The following NHS variants were observed in gnomAD, a reference collection of about 807,000 sequenced individuals.
NHS encodes the protein actin remodeling regulator NHS.
Under a neutral mutation model 72.5 loss-of-function variants are expected in NHS, and 5 were observed. The observed-to-expected ratio is 0.07, with a 90% CI of 0.04 to 0.14. The LOEUF (loss-of-function observed/expected upper bound fraction) is 0.14. NHS is among the 10% of genes least tolerant of loss of function. NHS has a pLI of 1.00. For synonymous variants in NHS, 464 were observed against 547.7 expected (o/e 0.85, Z 2.13); for missense variants, 1,072 against 1,355.7 (o/e 0.79, Z 3.29).
At chrX:17,463,775 G>C (rs949171268) in intron 1 of NHS, among the ~76,000 whole-genome samples, 1 of 112,164 alleles carries the variant, frequency 8.9e-6, no homozygotes, top group African/African-American at 3.2e-5. Flanking sequence ...AAGATCCAGG[G>C]GAAATTGTCC....
In NHS at chrX:17,693,000, A is replaced by T. The variant is rs964308911; in HGVS notation, c.852+532A>T. Among the ~76,000 whole-genome samples the T allele has an allele frequency of 9.5e-4, 106 of 111,991 alleles. No homozygotes were observed. In the Middle Eastern group the frequency reaches 0.014, roughly 15 times the overall value. On this transcript the variant is annotated intron_variant, in intron 3 of 8. Transcript: ENST00000676302. ...CAGCATGGCTGACTTGGTGGGGTGA[A>T]CTGGTAAAGAACTTAAGTGATACGA...
At chrX:17,408,951 AGAG>A (rs201049083) in intron 1 of NHS, among the ~76,000 whole-genome samples, 1,166 of 102,274 alleles carry the variant, frequency 0.011, 17 homozygotes, top group African/African-American at 0.048. Context: ...ACCGACGGAG[AGAG>A]GAGAGAGAGA....
chrX:17,406,764 G>A (rs1037943037), intron 1 of NHS, among the ~76,000 whole-genome samples: 90 of 112,149 alleles, frequency 8.0e-4, no homozygotes, highest in Non-Finnish European at 7.5e-4. Context: ...GAAAGCTGAC[G>A]TTACCTTGCC....
At chrX:17,725,218 T>C (rs1452596924) in intron 6 of NHS, 129 bp from the exon 7 acceptor site, 2 of 557,020 alleles carry the variant, frequency 3.6e-6, no homozygotes, top group Non-Finnish European at 5.8e-6. Context: ...TATATATTGA[T>C]TTTTTTTCTG....
At position 17,726,756 on chromosome X, in the gene NHS, A is replaced by G; in HGVS notation, c.2650A>G (p.Ser884Gly). Residue 884 changes from serine to glycine, a missense_variant, in exon 7 of 9, where the codon AGT (serine) becomes GGT (glycine). Transcript: ENST00000676302. ...AAGCAGTGGTCAGCACCTGCCTCACAGTTCCAGGGAAATGAAGCTGCCTCT... is the reference window on the plus strand; with the variant it reads ...AAGCAGTGGTCAGCACCTGCCTCACGGTTCCAGGGAAATGAAGCTGCCTCT... ...KISSGQHLPH[S>G]SREMKLPLDF... is the part of the protein sequence containing the mutation. 2.5e-6 allele frequency: 3 copies of G among 1,212,128 alleles called. No individual in the cohort carries two copies. The highest frequency in any genetic ancestry group is 3.5e-5 in the South Asian group (2 of 57,017).
At chrX:17,619,319 T>A (rs1260709498) in intron 1 of NHS, among the ~76,000 whole-genome samples, 3 of 112,297 alleles carry the variant, frequency 2.7e-5, no homozygotes, top group African/African-American at 6.5e-5. Context: ...GCATCTCAGC[T>A]GAACTGTGTG....
Position 17,719,354 on chromosome X carries a change from C to T in NHS, c.863C>T (p.Thr288Ile). The T allele has an allele frequency of 8.6e-7, 1 of 1,166,620 alleles. No homozygotes were observed. Among genetic ancestry groups the T allele is most frequent in the South Asian group, 1.9e-5 (1 of 52,652 alleles). Residue 288 changes from threonine (T) to isoleucine (I), a missense_variant, in exon 4 of 9, where the codon ACC becomes ATC. Coordinates refer to ENST00000676302, the MANE Select transcript of NHS (RefSeq NM_001291867.2). ...ATTTCATGTTCATAGTTTAACAGCA[C>T]CCGTTCGCCCTCCCCCACTGAATGT... ...KDRHFLTFNS[T>I]RSPSPTECCH...
chrX:17,419,048 C>T (rs1406635343), intron 1 of NHS, among the ~76,000 whole-genome samples: 1 of 112,371 alleles, frequency 8.9e-6, no homozygotes, highest in Non-Finnish European at 1.9e-5. Context: ...ATATTCTTGT[C>T]GCAGTTTTAT....
At chrX:17,612,742 C>T (rs375648252) in intron 1 of NHS, among the ~76,000 whole-genome samples, 2 of 111,176 alleles carry the variant, frequency 1.8e-5, no homozygotes, top group East Asian at 5.7e-4. Context: ...GTTTTTGTGC[C>T]TTCCTCGTCT....
At chrX:17,707,996 T>C (rs1445483237) in intron 3 of NHS, among the ~76,000 whole-genome samples, 1 of 111,955 alleles carries the variant, frequency 8.9e-6, no homozygotes, top group Non-Finnish European at 1.9e-5. Context: ...TTTACCTTTA[T>C]AAATTGTCTT....
At chrX:17,664,549 G>T (rs1048754780) in intron 1 of NHS, among the ~76,000 whole-genome samples, 4 of 112,173 alleles carry the variant, frequency 3.6e-5, no homozygotes, top group African/African-American at 1.3e-4. Context: ...TCTCTGTGCT[G>T]CTTCATTGAT....
At chrX:17,670,490 A>G (rs778479030) in intron 1 of NHS, among the ~76,000 whole-genome samples, 5 of 112,841 alleles carry the variant, frequency 4.4e-5, no homozygotes, top group Non-Finnish European at 9.4e-5. Flanking sequence ...ACAGGACTGA[A>G]TCCGCACATT....
chrX:17,416,819 TGAGAGAGAGAGA>T (rs576288851), intron 1 of NHS, among the ~76,000 whole-genome samples: 5 of 98,194 alleles, frequency 5.1e-5, no homozygotes, highest in African/African-American at 2.0e-4. Context: ...TGTGTGTGTG[TGAGAGAGAGAGA>T]GAGAGAGAGA....
At position 17,571,756 on chromosome X, in the gene NHS, G is replaced by A. The variant is rs773851648; in HGVS notation, c.566-115986G>A. On this transcript the variant is annotated intron_variant, in intron 1 of 8. Coordinates refer to ENST00000676302, the MANE Select transcript of NHS (RefSeq NM_001291867.2). ...CTTCTCTAGTTCTTTTAATTGTGAT[G>A]TTAGGGTGTTGATTTTAGATCATTC... 1.5e-4 allele frequency among the ~76,000 whole-genome samples: 17 copies of A among 111,799 alleles called. No individual in the cohort carries two copies. In the East Asian group the frequency reaches 4.5e-3, roughly 30 times the overall value.
chrX:17,534,305 C>T, intron 1 of NHS, among the ~76,000 whole-genome samples: 1 of 111,839 alleles, frequency 8.9e-6, no homozygotes, highest in East Asian at 2.8e-4. Flanking sequence ...AGAAGAAGGT[C>T]ACAAGGAGGC....
intron 3 of NHS, among the ~76,000 whole-genome samples, chrX:17,712,391 C>CATATATAT (rs1375636575): frequency 6.7e-5 from 6 of 89,396 alleles, no homozygotes; most frequent in African/African-American, 1.9e-4. Context: ...CACACACACA[C>CATATATAT]ACATATATAT....
At chrX:17,684,180 C>T (rs1027818136) in intron 1 of NHS, among the ~76,000 whole-genome samples, 3 of 111,794 alleles carry the variant, frequency 2.7e-5, no homozygotes, top group African/African-American at 9.8e-5. Flanking sequence ...GAACTGTGAG[C>T]CCATTAAACC....
At chrX:17,393,284 T>C (rs540982846) in intron 1 of NHS, among the ~76,000 whole-genome samples, 1 of 79,772 alleles carries the variant, frequency 1.3e-5, no homozygotes, top group African/African-American at 4.7e-5. Context: ...CTAGACTTTC[T>C]GATCTACACC....
intron 1 of NHS, among the ~76,000 whole-genome samples, chrX:17,581,887 G>T (rs1047048624): frequency 9.0e-6 from 1 of 111,503 alleles, no homozygotes; most frequent in African/African-American, 3.3e-5. Context: ...AAGAATGTAG[G>T]TCTTCTATTA....
Sources: allele counts gnomAD v4.1 joint callset (sites outside exome capture counted in the v4.1 genomes callset), GRCh38; gene constraint gnomAD v4.1.1; transcripts MANE v1.5; gene names NCBI Gene and HGNC (gene_info 2026-07-23, HGNC 2026-07-21).